The following PFKFB3 variants were observed in gnomAD, a reference collection of about 807,000 sequenced individuals.
PFKFB3 encodes 6-phosphofructo-2-kinase/fructose-2,6-bisphosphatase 3.
A neutral mutation model predicts 68.0 loss-of-function variants in PFKFB3; 33 were observed. The observed-to-expected ratio is 0.49, with a 90% CI of 0.37 to 0.65. PFKFB3 has a LOEUF of 0.65. Ranked by LOEUF, PFKFB3 falls within the 30% of genes least tolerant of loss-of-function variation. The probability of loss-of-function intolerance (pLI) is 0.00; values close to 1 mark genes in which losing one functional copy is unlikely to be tolerated. For synonymous variants in PFKFB3, 315 were observed against 288.2 expected (o/e 1.09, Z -0.94); for missense variants, 586 against 712.2 (o/e 0.82, Z 2.02).
intron 1 of PFKFB3, among the ~76,000 whole-genome samples, chr10:6,208,251 T>A (rs1228104357): frequency 1.3e-5 from 2 of 152,026 alleles, no homozygotes; most frequent in Non-Finnish European, 2.9e-5. Flanking sequence ...TTTAAAAATA[T>A]TTTTGCACAA....
chr10:6,324,074 G>A, the PFKFB3 span, among the ~76,000 whole-genome samples: 21 of 152,152 alleles, frequency 1.4e-4, no homozygotes, highest in African/African-American at 4.8e-4. Context: ...TCCATGGATA[G>A]ACAAAGGGAT....
the PFKFB3 span, among the ~76,000 whole-genome samples, chr10:6,291,067 G>A: frequency 2.0e-5 from 3 of 151,728 alleles, no homozygotes; most frequent in Non-Finnish European, 2.9e-5. Context: ...AAATAGAATA[G>A]GCATAAATCA....
intron 14 of PFKFB3, chr10:6,231,227 A>C: frequency 1.5e-6 from 2 of 1,344,120 alleles, no homozygotes; most frequent in Non-Finnish European, 1.1e-6. Context: ...TTCCTTTTCC[A>C]ACCTGTTTCT....
chr10:6,212,950 T>C (rs564712538), intron 1 of PFKFB3, among the ~76,000 whole-genome samples: 3 of 152,274 alleles, frequency 2.0e-5, no homozygotes, highest in Non-Finnish European at 2.9e-5. Flanking sequence ...CCATGTTGTA[T>C]TGGAATCCAC....
chr10:6,305,736 C>A, the PFKFB3 span, among the ~76,000 whole-genome samples: 1 of 152,166 alleles, frequency 6.6e-6, no homozygotes, highest in Admixed American at 6.5e-5. Context: ...TGTGGGACTT[C>A]TTTAAGGCCT....
the PFKFB3 span, among the ~76,000 whole-genome samples, chr10:6,284,405 G>C: frequency 6.6e-6 from 1 of 152,212 alleles, no homozygotes; most frequent in African/African-American, 2.4e-5. Context: ...TCTTCTTGGA[G>C]AATTGACCCC....
downstream of PFKFB3, among the ~76,000 whole-genome samples, chr10:6,257,685 C>T (rs1846505110): frequency 6.6e-6 from 1 of 152,120 alleles, no homozygotes; most frequent in Admixed American, 6.6e-5. Flanking sequence ...TGCTGTGGGT[C>T]ACCTTCCCCA....
At position 6,219,705 on chromosome 10, in the gene PFKFB3, G is replaced by A. The variant is rs771734270; in HGVS notation, c.623+12G>A. The A allele has an allele frequency of 1.2e-6, 2 of 1,612,536 alleles. No individual in the cohort carries two copies. Among genetic ancestry groups the A allele is most frequent in the South Asian group, 2.2e-5 (2 of 91,034 alleles). On this transcript the variant is annotated intron_variant, in intron 7 of 14. Transcript: ENST00000379775. ...GACAAATGCGACAGGTGATTCCCGTGGCTGGCCGTCTCTGCAAGACCCACA... is the reference window on the plus strand; with the variant it reads ...GACAAATGCGACAGGTGATTCCCGTAGCTGGCCGTCTCTGCAAGACCCACA...
At chr10:6,182,998 C>G (rs1050166122) in intron 1 of PFKFB3, among the ~76,000 whole-genome samples, 2 of 152,204 alleles carry the variant, frequency 1.3e-5, no homozygotes, top group Admixed American at 1.3e-4. Context: ...AGCACGGTCC[C>G]TGGCTCCAGG....
the PFKFB3 span, chr10:6,293,293 G>A: frequency 2.6e-6 from 1 of 382,062 alleles, no homozygotes; most frequent in Non-Finnish European, 5.1e-6. Flanking sequence ...TGTGTTCTGT[G>A]AGAAGACCAT....
At chr10:6,293,085 G>A in the PFKFB3 span, 1,910 of 395,336 alleles carry the variant, frequency 4.8e-3, 34 homozygotes, top group African/African-American at 0.038. Context: ...CATTTCCGTC[G>A]TGTGATGAAT....
the PFKFB3 span, among the ~76,000 whole-genome samples, chr10:6,321,247 C>A: frequency 6.6e-6 from 1 of 152,116 alleles, no homozygotes; most frequent in African/African-American, 2.4e-5. Flanking sequence ...TTTTGCAAAA[C>A]CCCATGCTCC....
the PFKFB3 span, among the ~76,000 whole-genome samples, chr10:6,274,183 G>A: frequency 6.6e-6 from 1 of 151,742 alleles, no homozygotes; most frequent in Non-Finnish European, 1.5e-5. Flanking sequence ...CTAGGTGACA[G>A]AGCGAGATCC....
intron 1 of PFKFB3, among the ~76,000 whole-genome samples, chr10:6,206,948 T>G (rs531076592): frequency 7.1e-6 from 1 of 141,276 alleles, no homozygotes; most frequent in East Asian, 2.2e-4. Context: ...CTCCTCACTT[T>G]CCAGACTGGG....
rs1436810639 is a variant in PFKFB3 at position 6,229,222 on chromosome 10, G to A, written c.1515+2857G>A. 7 of 496,732 alleles carry A rather than the reference G, an allele frequency of 1.4e-5. No homozygotes were observed. The highest frequency in any genetic ancestry group is 2.9e-5 in the Non-Finnish European group (7 of 240,786). 30.8% of individuals were successfully genotyped at this position (496,732 alleles called of 1,614,324 possible). On this transcript the variant is annotated intron_variant, in intron 14 of 14. Coordinates refer to ENST00000379775, the MANE Select transcript of PFKFB3 (RefSeq NM_004566.4). The surrounding 1 kb of genome is among the most constrained non-coding windows in gnomAD (Gnocchi z 4.3). ...AGATTTTGGTGGCAAAGGGGTGAAG[G>A]GCCAGAGGATGTACCAGTGTCCTCC...
intron 6 of PFKFB3, among the ~76,000 whole-genome samples, chr10:6,218,758 G>A (rs1290823496): frequency 1.3e-5 from 2 of 152,144 alleles, no homozygotes; most frequent in Non-Finnish European, 2.9e-5. Flanking sequence ...TAAGTGTGCA[G>A]TACAGCAGCA....
the PFKFB3 span, among the ~76,000 whole-genome samples, chr10:6,319,010 T>C: frequency 2.0e-5 from 3 of 152,202 alleles, no homozygotes; most frequent in South Asian, 4.1e-4. Flanking sequence ...CAGTGTCTGA[T>C]ACTTTGTGGA....
At chr10:6,307,501 C>G in the PFKFB3 span, among the ~76,000 whole-genome samples, 2 of 149,798 alleles carry the variant, frequency 1.3e-5, no homozygotes, top group African/African-American at 4.9e-5. Context: ...TAAAATATCT[C>G]CTTCTCTTTT....
intron 1 of PFKFB3, chr10:6,149,910 A>T (rs1312851925): frequency 6.6e-6 from 1 of 152,176 alleles, no homozygotes; most frequent in Non-Finnish European, 1.5e-5. Context: ...CATCCCAAGG[A>T]TTTCACTCTT....
Sources: gnomAD v4.1 joint callset for allele counts (sites outside exome capture counted in the v4.1 genomes callset) on GRCh38, gnomAD v4.1.1 for gene constraint, Gnocchi (gnomAD v3.1) non-coding constraint, MANE v1.5 for transcripts, NCBI Gene and HGNC (gene_info 2026-07-23, HGNC 2026-07-21) for gene names.